The following WDR7 variants were observed in gnomAD, a reference collection of about 807,000 sequenced individuals.
The protein encoded by WDR7 is WD repeat-containing protein 7.
Under a neutral mutation model 169.4 loss-of-function variants are expected in WDR7, and 46 were observed. That is an observed-to-expected ratio of 0.27 (90% CI 0.21 to 0.35). WDR7 has a LOEUF of 0.35. Among genes scored for constraint, WDR7 ranks in the 10% least tolerant of loss-of-function variants. The pLI is 1.00. For synonymous variants in WDR7, 612 were observed against 666.8 expected (o/e 0.92, Z 1.27); for missense variants, 1,534 against 1,859.3 (o/e 0.83, Z 3.22).
At chr18:56,914,674 C>G (rs2046601257) in intron 21 of WDR7, among the ~76,000 whole-genome samples, 1 of 152,160 alleles carries the variant, frequency 6.6e-6, no homozygotes, top group African/African-American at 2.4e-5. Context: ...TCTTTGACCA[C>G]ATAAACATCT....
chr18:56,700,252 C>CTTTTTTTTTTTT lies in WDR7; in HGVS notation c.1578+3802_1578+3813dup, dbSNP rs1226348026. The stretch of plus-strand genomic sequence containing the variant: ...AAAGATACTGTTTATTTTTCATTTT[C>CTTTTTTTTTTTT]TTTTTTTTTTTTTTTTTTTTTTTGA... On this transcript the variant is annotated intron_variant, in intron 12 of 27. Transcript: ENST00000254442. 1.8e-4 allele frequency among the ~76,000 whole-genome samples: 12 copies of CTTTTTTTTTTTT among 67,238 alleles called. 1 individual carries two copies. The highest frequency in any genetic ancestry group is 5.1e-4 in the Admixed American group (2 of 3,890). 44.1% of individuals were successfully genotyped at this position (67,238 alleles called of 152,430 possible).
At chr18:56,882,096 C>T (rs754663636) in intron 21 of WDR7, among the ~76,000 whole-genome samples, 24 of 152,178 alleles carry the variant, frequency 1.6e-4, no homozygotes, top group Non-Finnish European at 2.9e-4. Context: ...CTTACTGGCT[C>T]CTACCTCCCC....
intron 7 of WDR7, among the ~76,000 whole-genome samples, chr18:56,688,920 G>A (rs139076235): frequency 2.0e-5 from 3 of 152,194 alleles, no homozygotes; most frequent in Non-Finnish European, 2.9e-5. Flanking sequence ...GACAACTCAC[G>A]TAGTCAGAGG....
At chr18:56,794,620 A>G (rs1320579521) in intron 19 of WDR7, among the ~76,000 whole-genome samples, 1 of 152,038 alleles carries the variant, frequency 6.6e-6, no homozygotes, top group Non-Finnish European at 1.5e-5. Context: ...GATAAAGTCT[A>G]TTTTTAAAAA....
At chr18:56,923,757 G>A (rs2046761491) in intron 21 of WDR7, among the ~76,000 whole-genome samples, 165 bp from the exon 22 acceptor site, 2 of 152,196 alleles carry the variant, frequency 1.3e-5, no homozygotes, top group African/African-American at 2.4e-5. Flanking sequence ...TTCAAAGAAT[G>A]TGGCTGAGCA....
intron 14 of WDR7, among the ~76,000 whole-genome samples, chr18:56,751,776 A>ATT: frequency 6.6e-6 from 1 of 152,302 alleles, no homozygotes; most frequent in South Asian, 2.1e-4. Flanking sequence ...GTAGGTAAAA[A>ATT]TCAGTAAGCA....
At chr18:56,748,968 T>A (rs2043745917) in intron 14 of WDR7, among the ~76,000 whole-genome samples, 1 of 152,152 alleles carries the variant, frequency 6.6e-6, no homozygotes, top group East Asian at 1.9e-4. Context: ...CTTCCTTCCT[T>A]TTTTCTAGTA....
chr18:56,800,007 T>C (rs72921095), intron 19 of WDR7, among the ~76,000 whole-genome samples: 17,741 of 152,170 alleles, frequency 0.12, 1,576 homozygotes, highest in African/African-American at 0.25. Flanking sequence ...AAGAGTAGGC[T>C]GCCTTGTTTA....
chr18:56,994,955 G>A (rs182827161), intron 26 of WDR7, among the ~76,000 whole-genome samples: 10 of 152,242 alleles, frequency 6.6e-5, no homozygotes, highest in Admixed American at 3.3e-4. Flanking sequence ...CATTTCTCAC[G>A]TGAATTAAAT....
At chr18:56,658,672 T>C (rs1177632706) in intron 1 of WDR7, among the ~76,000 whole-genome samples, 1 of 152,192 alleles carries the variant, frequency 6.6e-6, no homozygotes, top group African/African-American at 2.4e-5. Flanking sequence ...AAACTTCCAT[T>C]AGTTGGAGCA....
At chr18:56,746,646 G>C (rs1168563604) in intron 14 of WDR7, among the ~76,000 whole-genome samples, 2 of 152,092 alleles carry the variant, frequency 1.3e-5, no homozygotes, top group African/African-American at 2.4e-5. Flanking sequence ...AGGGGCAGTT[G>C]GGTCTTCCTC....
intron 12 of WDR7, among the ~76,000 whole-genome samples, chr18:56,715,034 TTTC>T (rs1186001652): frequency 6.6e-6 from 1 of 152,188 alleles, no homozygotes; most frequent in Non-Finnish European, 1.5e-5. Context: ...TAGATTACGT[TTTC>T]TTAAATCTTT....
At chr18:56,715,863 C>G (rs894796930) in intron 12 of WDR7, among the ~76,000 whole-genome samples, 6 of 152,016 alleles carry the variant, frequency 3.9e-5, no homozygotes, top group Non-Finnish European at 8.8e-5. Context: ...ATCGATGTTG[C>G]AAAATAGAAT....
chr18:56,905,830 G>A (rs1221643307), intron 21 of WDR7, among the ~76,000 whole-genome samples: 1 of 151,952 alleles, frequency 6.6e-6, no homozygotes, highest in African/African-American at 2.4e-5. Context: ...TTGATTCATT[G>A]AAGAGTTCAA....
intron 6 of WDR7, 52 bp downstream of exon 6, chr18:56,686,084 A>C: frequency 3.2e-5 from 47 of 1,458,962 alleles, no homozygotes; most frequent in Non-Finnish European, 4.0e-5. Flanking sequence ...TCTGTAGCTC[A>C]AAATTTTAGT....
At chr18:56,896,115 G>A (rs2046329391) in intron 21 of WDR7, among the ~76,000 whole-genome samples, 1 of 151,438 alleles carries the variant, frequency 6.6e-6, no homozygotes, top group Admixed American at 6.6e-5. Flanking sequence ...AAATACCAAA[G>A]CATTAACCTA....
At chr18:56,701,246 A>G (rs1015018978) in intron 12 of WDR7, among the ~76,000 whole-genome samples, 1 of 152,200 alleles carries the variant, frequency 6.6e-6, no homozygotes, top group African/African-American at 2.4e-5. Flanking sequence ...TTGGTAAACT[A>G]CTTGAAAAGA....
downstream of WDR7, chr18:57,034,355 G>A (rs2145970740): frequency 6.6e-6 from 1 of 152,304 alleles, no homozygotes; most frequent in African/African-American, 2.4e-5. Flanking sequence ...GTCTGCCCAG[G>A]CCTGGGCATT....
intron 14 of WDR7, among the ~76,000 whole-genome samples, chr18:56,738,212 A>G (rs1175250237): frequency 2.0e-5 from 3 of 152,242 alleles, no homozygotes; most frequent in Non-Finnish European, 2.9e-5. Context: ...TTAGTCCAGT[A>G]ATAAAATAAT....
Sources: gnomAD v4.1 joint callset for allele counts (sites outside exome capture counted in the v4.1 genomes callset) on GRCh38, gnomAD v4.1.1 for gene constraint, MANE v1.5 for transcripts, NCBI Gene and HGNC (gene_info 2026-07-23, HGNC 2026-07-21) for gene names.